The following ZNF644 variants were observed in gnomAD, a reference collection of about 807,000 sequenced individuals.
ZNF644 encodes zinc finger protein 644, also known as zinc finger motif enhancer binding protein 2.
In ZNF644, 20 loss-of-function variants were observed where a neutral mutation model predicts 108.0. The observed-to-expected ratio is 0.19, with a 90% CI of 0.13 to 0.27. The LOEUF (loss-of-function observed/expected upper bound fraction) is 0.27, where lower values mean the gene tolerates loss of function less well. ZNF644 is among the 10% of genes least tolerant of loss of function. ZNF644 has a pLI of 1.00. For synonymous variants in ZNF644, 542 were observed against 539.1 expected (o/e 1.01, Z -0.08); for missense variants, 1,338 against 1,548.9 (o/e 0.86, Z 2.29).
In ZNF644 at chr1:90,932,694, T is replaced by C. The variant is rs980064794; in HGVS notation, c.3688+4791A>G. ...TCTATCTGGAAAACAGAAAAGTTAATAAAGCTTGAAAAAAAACTTCTTAGT... is the reference window on the plus strand; with the variant it reads ...TCTATCTGGAAAACAGAAAAGTTAACAAAGCTTGAAAAAAAACTTCTTAGT... On this transcript the variant is annotated intron_variant, in intron 4 of 5. Transcript: ENST00000337393. Among the ~76,000 whole-genome samples, 8 of 152,108 alleles carry C rather than the reference T, an allele frequency of 5.3e-5. No homozygotes were observed. In the South Asian group the frequency reaches 1.5e-3, roughly 28 times the overall value.
chr1:90,929,718 T>A (rs1650500650), intron 4 of ZNF644, among the ~76,000 whole-genome samples: 1 of 152,198 alleles, frequency 6.6e-6, no homozygotes, highest in Admixed American at 6.5e-5. Flanking sequence ...TACAAACCCA[T>A]TCAGCACTTG....
intron 1 of ZNF644, among the ~76,000 whole-genome samples, chr1:90,989,399 T>C (rs114894591): frequency 3.6e-4 from 54 of 151,526 alleles, no homozygotes; most frequent in African/African-American, 1.1e-3. Flanking sequence ...AAAAAATAAA[T>C]AGGTGTGGTA....
intron 1 of ZNF644, among the ~76,000 whole-genome samples, chr1:91,006,172 T>C (rs1005269918): frequency 5.3e-5 from 8 of 152,138 alleles, no homozygotes; most frequent in Non-Finnish European, 8.8e-5. Flanking sequence ...ACCCAAACTG[T>C]TGAAACTGAC....
At chr1:90,924,954 G>A (rs1452382542) in intron 4 of ZNF644, among the ~76,000 whole-genome samples, 1 of 152,156 alleles carries the variant, frequency 6.6e-6, no homozygotes, top group Non-Finnish European at 1.5e-5. Flanking sequence ...GAGAAAGTCT[G>A]AGTGTTATTT....
rs960829010 is a variant in ZNF644, at chr1:90,966,780, C to T, written c.44+15530G>A. 4.7e-4 allele frequency among the ~76,000 whole-genome samples: 68 copies of T among 145,774 alleles called. 1 individual carries two copies. Among genetic ancestry groups the T allele is most frequent in the Middle Eastern group, 3.6e-3 (1 of 280 alleles). Reference sequence around the variant, plus strand: ...AAAAAAAAAAAAAAAATCTGGGTAACGGGCCAACTTCATGGACTAGTAGGC... The same window carrying T: ...AAAAAAAAAAAAAAAATCTGGGTAATGGGCCAACTTCATGGACTAGTAGGC... On this transcript the variant is annotated intron_variant, in intron 2 of 5. Transcript: ENST00000337393.
chr1:90,988,175 T>C (rs1039350816), intron 1 of ZNF644, among the ~76,000 whole-genome samples: 1 of 151,902 alleles, frequency 6.6e-6, no homozygotes, highest in Non-Finnish European at 1.5e-5. Flanking sequence ...AGAAAAAAAA[T>C]GTTAGAAGTA....
chr1:90,972,957 C>G (rs1037060584), intron 2 of ZNF644: 7 of 151,852 alleles, frequency 4.6e-5, no homozygotes, highest in Non-Finnish European at 1.0e-4. Flanking sequence ...GCAGGAGAAA[C>G]GGAGGAATTG....
chr1:90,943,494 A>G lies in ZNF644; in HGVS notation c.45-2185T>C, dbSNP rs150223304. On this transcript the variant is annotated intron_variant, in intron 2 of 5. Transcript: ENST00000337393. ...ATTGTTCTTATATTTTTCTTATTTT[A>G]TAACTTAGAACAAGCACTTATAATC... 6.9e-3 allele frequency among the ~76,000 whole-genome samples: 1,050 copies of G among 152,304 alleles called. 15 individuals are homozygous for G. The highest frequency in any genetic ancestry group is 0.024 in the African/African-American group (985 of 41,576).
intron 2 of ZNF644, among the ~76,000 whole-genome samples, chr1:90,947,004 C>T (rs555895258): frequency 2.6e-5 from 4 of 152,188 alleles, no homozygotes; most frequent in East Asian, 1.9e-4. Flanking sequence ...ATGTGGTAAA[C>T]GGAAGCAGGT....
chr1:90,922,163 A>C (rs1370650802), intron 4 of ZNF644, among the ~76,000 whole-genome samples: 1 of 152,178 alleles, frequency 6.6e-6, no homozygotes, highest in Admixed American at 6.6e-5. Context: ...AACTTCTTTG[A>C]TAAAGCACAC....
intron 1 of ZNF644, among the ~76,000 whole-genome samples, chr1:91,000,394 C>T (rs1658640665): frequency 6.6e-6 from 1 of 152,122 alleles, no homozygotes; most frequent in African/African-American, 2.4e-5. Context: ...TCACTCAAAA[C>T]CGCTCAACTA....
intron 2 of ZNF644, among the ~76,000 whole-genome samples, chr1:90,960,006 ATATGTTCTCCACCCATTAGTCACT>A (rs1654168012): frequency 6.6e-6 from 1 of 152,154 alleles, no homozygotes; most frequent in Admixed American, 6.6e-5. Flanking sequence ...TGTCCAGTGT[ATATGTTCTCCACCCATTAGTCACT>A]TAGTAATCAT....
chr1:90,970,580 A>G (rs1655349204), intron 2 of ZNF644, among the ~76,000 whole-genome samples: 1 of 152,158 alleles, frequency 6.6e-6, no homozygotes, highest in Admixed American at 6.5e-5. Flanking sequence ...AAAAATTCCA[A>G]TCTAAATGAC....
At chr1:91,015,641 C>G (rs532622328) in intron 1 of ZNF644, among the ~76,000 whole-genome samples, 2 of 152,280 alleles carry the variant, frequency 1.3e-5, no homozygotes, top group African/African-American at 4.8e-5. Context: ...GCTGACAGTG[C>G]TGGGAATGCA....
intron 4 of ZNF644, among the ~76,000 whole-genome samples, chr1:90,921,460 G>T (rs1649433516): frequency 6.6e-6 from 1 of 151,850 alleles, no homozygotes; most frequent in South Asian, 2.1e-4. Context: ...TCTTTACAAA[G>T]TATTTTAAAT....
At chr1:90,982,144 C>T (rs1371826727) in intron 2 of ZNF644, among the ~76,000 whole-genome samples, 166 bp downstream of exon 2, 2 of 152,040 alleles carry the variant, frequency 1.3e-5, no homozygotes, top group Non-Finnish European at 2.9e-5. Flanking sequence ...ATTTTACTCC[C>T]ATCAAATCAA....
At chr1:90,937,337 T>G (rs910050770) in intron 4 of ZNF644, 148 bp downstream of exon 4, 1 of 1,057,250 alleles carries the variant, frequency 9.5e-7, no homozygotes, top group African/African-American at 1.6e-5. Flanking sequence ...GAAATGACAG[T>G]AGAATAACCA....
chr1:90,938,741 T>C lies in ZNF644; in HGVS notation c.2613A>G (p.Thr871=), dbSNP rs370172546. The change falls in exon 3 of 6, where the codon ACA becomes ACG. Residue 871 remains threonine (T), a synonymous_variant. Coordinates refer to ENST00000337393, the MANE Select transcript of ZNF644 (RefSeq NM_201269.3). The surrounding 1 kb of genome is among the most constrained non-coding windows in gnomAD (Gnocchi z 4.2). ...TATAGGTTTCATCTTCTATGGCCTGTGTAGTGTAGTCTCCTAACTCAACAT... is the reference window on the plus strand; with the variant it reads ...TATAGGTTTCATCTTCTATGGCCTGCGTAGTGTAGTCTCCTAACTCAACAT... ...WDNVELGDYT[T]QAIEDETYSD... The C allele has an allele frequency of 9.9e-6, 16 of 1,613,988 alleles. No homozygotes were observed. The East Asian group carries it at 1.3e-4, about 13-fold the overall frequency.
chr1:90,931,031 ATTAAT>A (rs1241198172), intron 4 of ZNF644, among the ~76,000 whole-genome samples: 1 of 152,158 alleles, frequency 6.6e-6, no homozygotes, highest in African/African-American at 2.4e-5. Context: ...AACCAGGATG[ATTAAT>A]TTATCATTCA....
Sources: gnomAD v4.1 joint callset for allele counts (sites outside exome capture counted in the v4.1 genomes callset) on GRCh38, gnomAD v4.1.1 for gene constraint, Gnocchi (gnomAD v3.1) non-coding constraint, MANE v1.5 for transcripts, NCBI Gene and HGNC (gene_info 2026-07-23, HGNC 2026-07-21) for gene names.